Variants in TMEM217 observed in about 807,000 individuals in gnomAD.
The protein encoded by TMEM217 is transmembrane protein 217.
For synonymous variants in TMEM217, 76 were observed against 88.3 expected (o/e 0.86, Z 0.78); for missense variants, 204 against 248.8 (o/e 0.82, Z 1.21).
chr6:37,254,115 G>A (rs1270336915), intron 1 of TMEM217, among the ~76,000 whole-genome samples: 2 of 152,180 alleles, frequency 1.3e-5, no homozygotes, highest in Non-Finnish European at 2.9e-5. Flanking sequence ...ATAAAGTGAG[G>A]TCCATGGATC....
exon 2 of TMEM217, chr6:37,218,891 G>T: frequency 1.2e-6 from 2 of 1,614,142 alleles, no homozygotes; most frequent in Non-Finnish European, 1.7e-6. Flanking sequence ...CCTGTACTTT[G>T]GTGTGATCTC....
chr6:37,230,357 C>T (rs1342817221), intron 1 of TMEM217, among the ~76,000 whole-genome samples: 3 of 152,194 alleles, frequency 2.0e-5, no homozygotes, highest in African/African-American at 7.2e-5. Flanking sequence ...GGGCAAAGGC[C>T]ATAAGGGCTG....
chr6:37,215,129 T>C, downstream of TMEM217: 7 of 1,594,108 alleles, frequency 4.4e-6, no homozygotes, highest in Non-Finnish European at 6.0e-6. Context: ...GTCACTATAA[T>C]AATGGCCTAA....
chr6:37,257,105 T>G (rs1765792515), intron 1 of TMEM217, among the ~76,000 whole-genome samples: 1 of 152,228 alleles, frequency 6.6e-6, no homozygotes, highest in Admixed American at 6.5e-5. Flanking sequence ...TAATCTGAGT[T>G]GGACAGCTAT....
intron 1 of TMEM217, among the ~76,000 whole-genome samples, chr6:37,229,698 C>T (rs1764086561): frequency 6.6e-6 from 1 of 152,158 alleles, no homozygotes; most frequent in South Asian, 2.1e-4. Flanking sequence ...TTATTTGGCT[C>T]ATTCTAAGTT....
chr6:37,255,322 A>AAGTAC (rs1324455542), intron 1 of TMEM217, among the ~76,000 whole-genome samples: 1 of 152,108 alleles, frequency 6.6e-6, no homozygotes, highest in African/African-American at 2.4e-5. Flanking sequence ...ATTTTATGCC[A>AAGTAC]AGTACAATGG....
exon 2 of TMEM217, chr6:37,218,193 A>C: frequency 1.7e-6 from 2 of 1,172,504 alleles, no homozygotes; most frequent in Non-Finnish European, 2.1e-6. Flanking sequence ...TTTGGGGGAC[A>C]GAGTCTTACT....
At chr6:37,248,412 G>A (rs56402325) in intron 1 of TMEM217, among the ~76,000 whole-genome samples, 4,805 of 152,266 alleles carry the variant, frequency 0.032, 241 homozygotes, top group African/African-American at 0.11. Context: ...AAAATCATAT[G>A]TTTTTACCCC....
intron 1 of TMEM217, among the ~76,000 whole-genome samples, chr6:37,233,612 T>C (rs373661657): frequency 6.6e-6 from 1 of 152,158 alleles, no homozygotes; most frequent in East Asian, 1.9e-4. Context: ...CTTACTACCA[T>C]CACACTGGGG....
chr6:37,228,785 C>G (rs907101443), intron 1 of TMEM217, among the ~76,000 whole-genome samples: 1 of 151,880 alleles, frequency 6.6e-6, no homozygotes, highest in African/African-American at 2.4e-5. Flanking sequence ...ATCACAAGGT[C>G]AGGAGATCGA....
chr6:37,239,504 A>G (rs113730783), intron 1 of TMEM217, among the ~76,000 whole-genome samples: 209 of 111,558 alleles, frequency 1.9e-3, no homozygotes, highest in Admixed American at 2.8e-3. Context: ...AAATAAATAA[A>G]TAAGTAAATA....
chr6:37,243,344 G>T (rs1764883123), intron 1 of TMEM217, among the ~76,000 whole-genome samples: 1 of 152,150 alleles, frequency 6.6e-6, no homozygotes, highest in South Asian at 2.1e-4. Flanking sequence ...CAAGTCCTGA[G>T]AATGGATTGA....
chr6:37,218,318 G>A, exon 2 of TMEM217: 1 of 1,148,842 alleles, frequency 8.7e-7, no homozygotes. Flanking sequence ...ACAGGTGTGT[G>A]CCGCCACGCC....
chr6:37,218,949 TG>T lies in TMEM217; in HGVS notation c.81del (p.Asp27GlufsTer11). 6.2e-7 allele frequency: 1 copy of T among 1,614,202 alleles called. No individual in the cohort carries two copies. The highest frequency in any genetic ancestry group is 8.5e-7 in the Non-Finnish European group (1 of 1,180,036). On this transcript the variant is annotated frameshift_variant, in exon 2 of 2. Transcript: ENST00000357219. LOFTEE classifies it low-confidence loss of function (END_TRUNC). The stretch of plus-strand genomic sequence containing the variant: ...TGCTTCTGTTCAAAGATGAGATACA[TG>T]TCTACGGCCATGATGGTGAAGACCC...
At chr6:37,241,929 GTTGTCT>G (rs892880873) in intron 1 of TMEM217, among the ~76,000 whole-genome samples, 2 of 151,494 alleles carry the variant, frequency 1.3e-5, no homozygotes, top group African/African-American at 4.9e-5. Flanking sequence ...GCTTTATCGC[GTTGTCT>G]TTATTTTCAA....
downstream of TMEM217, among the ~76,000 whole-genome samples, chr6:37,215,597 A>AAAAAG (rs1561998683): frequency 1.8e-4 from 26 of 146,978 alleles, no homozygotes; most frequent in Non-Finnish European, 2.6e-4. Flanking sequence ...AAAAAAAAAA[A>AAAAAG]AAAAGAAAAG....
At chr6:37,228,857 C>T (rs1763998963) in intron 1 of TMEM217, among the ~76,000 whole-genome samples, 2 of 151,472 alleles carry the variant, frequency 1.3e-5, no homozygotes, top group Admixed American at 1.3e-4. Context: ...ATTAGCTGGG[C>T]GTGGTGGCGG....
At chr6:37,219,034 G>A in exon 2 of TMEM217, 1 of 1,610,666 alleles carries the variant, frequency 6.2e-7, no homozygotes, top group Non-Finnish European at 8.5e-7. Flanking sequence ...GTTTCATGCT[G>A]AGACCTCCTG....
At chr6:37,257,983 G>A (rs1765872780) in exon 1 of TMEM217, 2 of 1,613,958 alleles carry the variant, frequency 1.2e-6, no homozygotes, top group East Asian at 2.2e-5. Context: ...GGTGAGCCCA[G>A]GACGCTGAGA....
Sources: allele counts gnomAD v4.1 joint callset (sites outside exome capture counted in the v4.1 genomes callset), GRCh38; gene constraint gnomAD v4.1.1; transcripts MANE v1.5; gene names NCBI Gene and HGNC (gene_info 2026-07-23, HGNC 2026-07-21).